Variants in AGK observed in about 807,000 individuals in gnomAD.
The protein encoded by AGK is acylglycerol kinase.
Under a neutral mutation model 66.4 loss-of-function variants are expected in AGK, and 52 were observed. That is an observed-to-expected ratio of 0.78 (90% CI 0.63 to 0.99). AGK has a LOEUF of 0.99. Among genes scored for constraint, AGK ranks in the 50% least tolerant of loss-of-function variants. AGK has a pLI of 0.00. For synonymous variants in AGK, 182 were observed against 181.1 expected (o/e 1.00, Z -0.04); for missense variants, 451 against 506.6 (o/e 0.89, Z 1.05).
At chr7:141,551,455 G>A (rs892549793) in intron 1 of AGK, 21 bp downstream of exon 1, 2 of 152,868 alleles carry the variant, frequency 1.3e-5, no homozygotes, top group Non-Finnish European at 2.9e-5. Flanking sequence ...CGGCGCCCAG[G>A]CGGGGAGCGC....
At chr7:141,629,795 A>G (rs1587146412) in intron 9 of AGK, among the ~76,000 whole-genome samples, 1 of 152,010 alleles carries the variant, frequency 6.6e-6, no homozygotes, top group Non-Finnish European at 1.5e-5. Flanking sequence ...CCCCGAGATG[A>G]AGAAAGAGAA....
intron 13 of AGK, among the ~76,000 whole-genome samples, chr7:141,645,421 ACTTT>A (rs375937306): frequency 6.6e-5 from 10 of 152,256 alleles, no homozygotes; most frequent in African/African-American, 1.9e-4. Flanking sequence ...AATTATTCTA[ACTTT>A]CTTTCAATGA....
intron 8 of AGK, among the ~76,000 whole-genome samples, chr7:141,620,356 A>G (rs1246759733): frequency 6.6e-6 from 1 of 152,218 alleles, no homozygotes; most frequent in Admixed American, 6.5e-5. Flanking sequence ...TAACTTTAAA[A>G]AAGAAGTTAC....
rs112457486 is a variant in AGK, at chr7:141,611,985, G to A, written c.390+698G>A. On this transcript the variant is annotated intron_variant, in intron 6 of 15. Transcript: ENST00000649286. ...ATACAATCCAGCAATCATGCTCCTT[G>A]GTATTTACCAAAGGAGTTGAAACCC... is the stretch of plus-strand genomic sequence containing the variant. Among the ~76,000 whole-genome samples, 329 of 152,258 alleles carry A rather than the reference G, an allele frequency of 2.2e-3. 3 individuals are homozygous for A. The highest frequency in any genetic ancestry group is 7.2e-3 in the African/African-American group (300 of 41,542).
rs1466445235 is a variant in AGK at position 141,582,504 on chromosome 7, G to A, written c.102-10642G>A. On this transcript the variant is annotated intron_variant, in intron 2 of 15. Transcript: ENST00000649286. ...GGAGTTTTATTTAATGTTGGGAACC[G>A]ATTGGGTAATATACTGTATATTGAG... Among the ~76,000 whole-genome samples, 9 of 151,916 alleles carry A rather than the reference G, an allele frequency of 5.9e-5. 1 individual carries two copies. The South Asian group carries it at 6.2e-4, about 10-fold the overall frequency.
chr7:141,559,282 A>T (rs1562957688), intron 2 of AGK, among the ~76,000 whole-genome samples: 1 of 151,816 alleles, frequency 6.6e-6, no homozygotes, highest in Admixed American at 6.6e-5. Flanking sequence ...TTTTGAGTTA[A>T]TTTTTTTTAT....
At position 141,582,773 on chromosome 7, in the gene AGK, C is replaced by A. The variant is rs1795908466; in HGVS notation, c.102-10373C>A. Among the ~76,000 whole-genome samples the A allele has an allele frequency of 2.6e-5, 4 of 151,838 alleles. No individual in the cohort carries two copies. The South Asian group carries it at 8.3e-4, about 31-fold the overall frequency. ...GGGGAGAGCTAGCCATGGAACGAAA[C>A]TGTAAGCCAGACCGGGTGTGAGGAG... On this transcript the variant is annotated intron_variant, in intron 2 of 15. Transcript: ENST00000649286.
chr7:141,575,056 C>A (rs1298577517), intron 2 of AGK, among the ~76,000 whole-genome samples: 1 of 152,146 alleles, frequency 6.6e-6, no homozygotes, highest in Non-Finnish European at 1.5e-5. Flanking sequence ...TTTTCCTAAA[C>A]CCACTTGCAG....
intron 3 of AGK, among the ~76,000 whole-genome samples, chr7:141,594,666 T>C (rs1021978204): frequency 6.6e-6 from 1 of 152,120 alleles, no homozygotes; most frequent in Non-Finnish European, 1.5e-5. Flanking sequence ...TCTTTCTTTC[T>C]TTTTTTAGAC....
At chr7:141,579,527 G>A (rs556881255) in intron 2 of AGK, among the ~76,000 whole-genome samples, 4 of 152,058 alleles carry the variant, frequency 2.6e-5, no homozygotes, top group Admixed American at 6.5e-5. Flanking sequence ...AGACCAAGAG[G>A]TATTTTGGTT....
At chr7:141,634,281 G>A (rs1245684861) in intron 10 of AGK, among the ~76,000 whole-genome samples, 1 of 152,182 alleles carries the variant, frequency 6.6e-6, no homozygotes, top group East Asian at 1.9e-4. Context: ...TAGGCTGTAG[G>A]GAGAACTGGA....
chr7:141,647,664 ATTATTT>A (rs1797448449), intron 13 of AGK, among the ~76,000 whole-genome samples: 1 of 152,148 alleles, frequency 6.6e-6, no homozygotes, highest in South Asian at 2.1e-4. Flanking sequence ...TTAAAAAAAA[ATTATTT>A]TTATTGATTG....
chr7:141,611,294 C>G lies in AGK; in HGVS notation c.390+7C>G. ...AGATGGGACACTGCAGGAGGTATGA[C>G]TGTTTTTCTCTTTGAAGCTATTTTG... On this transcript the variant is annotated splice_region_variant and intron_variant, in intron 6 of 15. Transcript: ENST00000649286. 1 of 1,597,186 alleles carries G rather than the reference C, an allele frequency of 6.3e-7. No homozygotes were observed. Among genetic ancestry groups the G allele is most frequent in the Non-Finnish European group, 8.6e-7 (1 of 1,168,200 alleles).
At chr7:141,551,987 C>G (rs374456554) in intron 1 of AGK, among the ~76,000 whole-genome samples, 2 of 152,298 alleles carry the variant, frequency 1.3e-5, no homozygotes, top group South Asian at 4.1e-4. Context: ...AAACCTACCA[C>G]TCAAATCTAA....
At chr7:141,617,298 C>T (rs946307654) in intron 8 of AGK, among the ~76,000 whole-genome samples, 1 of 152,080 alleles carries the variant, frequency 6.6e-6, no homozygotes, top group Non-Finnish European at 1.5e-5. Context: ...GTGGCAACCC[C>T]CAGGGTCTGA....
At chr7:141,557,667 C>T (rs1176028160) in intron 2 of AGK, among the ~76,000 whole-genome samples, 1 of 152,216 alleles carries the variant, frequency 6.6e-6, no homozygotes, top group Non-Finnish European at 1.5e-5. Context: ...TAAATTGGAT[C>T]TGAAACAGCT....
intron 2 of AGK, among the ~76,000 whole-genome samples, chr7:141,570,627 C>CT (rs768438918): frequency 0.012 from 1,745 of 144,404 alleles, 17 homozygotes; most frequent in Non-Finnish European, 0.02. Context: ...ATGTCCTCTA[C>CT]TTTTTTTTTT....
At chr7:141,560,859 C>T (rs562277533) in intron 2 of AGK, among the ~76,000 whole-genome samples, 13 of 148,158 alleles carry the variant, frequency 8.8e-5, no homozygotes, top group African/African-American at 1.7e-4. Context: ...TGCAGTGGCA[C>T]GATCTCGGCT....
At chr7:141,561,177 G>A (rs1186473036) in intron 2 of AGK, among the ~76,000 whole-genome samples, 2 of 152,140 alleles carry the variant, frequency 1.3e-5, no homozygotes, top group African/African-American at 4.8e-5. Flanking sequence ...TGGTTGATGG[G>A]CATTTAGGTT....
Sources: allele counts gnomAD v4.1 joint callset (sites outside exome capture counted in the v4.1 genomes callset), GRCh38; gene constraint gnomAD v4.1.1; transcripts MANE v1.5; gene names NCBI Gene and HGNC (gene_info 2026-07-23, HGNC 2026-07-21).